Variants in C2orf42 observed in about 807,000 individuals in gnomAD.
C2orf42 encodes chromosome 2 open reading frame 42, also known as uncharacterized protein C2orf42.
A neutral mutation model predicts 58.9 loss-of-function variants in C2orf42; 44 were observed. The ratio of observed to expected loss-of-function variants is 0.75; its 90% CI spans 0.59 to 0.96. The LOEUF (loss-of-function observed/expected upper bound fraction) is 0.96. Among genes scored for constraint, C2orf42 ranks in the 40% least tolerant of loss-of-function variants. The pLI is 0.00. For missense variants in C2orf42, 630 were observed against 699.2 expected (o/e 0.90, Z 1.12); for synonymous variants, 239 against 265.4 (o/e 0.90, Z 0.97).
intron 5 of C2orf42, 73 bp from the exon 6 acceptor site, chr2:70,169,734 T>C (rs532283396): frequency 2.7e-6 from 2 of 747,012 alleles, no homozygotes; most frequent in Admixed American, 2.3e-5. Flanking sequence ...TAATTGAAGT[T>C]TGAAAAAGTT....
chr2:70,161,835 C>T (rs141270915), intron 8 of C2orf42, among the ~76,000 whole-genome samples: 29 of 133,192 alleles, frequency 2.2e-4, no homozygotes, highest in Admixed American at 2.0e-3. Flanking sequence ...AGTGAAAGTC[C>T]GTGTCAAAAA....
chr2:70,165,479 T>C (rs1027942350), intron 7 of C2orf42, 49 bp downstream of exon 7: 1 of 1,044,410 alleles, frequency 9.6e-7, no homozygotes, highest in South Asian at 1.3e-5. Flanking sequence ...CCAAACATAA[T>C]TCTCTATGTT....
intron 5 of C2orf42, 89 bp downstream of exon 5, chr2:70,175,584 T>C (rs1459036056): frequency 1.2e-6 from 1 of 809,822 alleles, no homozygotes; most frequent in African/African-American, 1.7e-5. Flanking sequence ...TGGGACTCTT[T>C]GGGTGACAAT....
At chr2:70,175,007 G>A (rs962575673) in intron 5 of C2orf42, among the ~76,000 whole-genome samples, 2 of 151,640 alleles carry the variant, frequency 1.3e-5, no homozygotes, top group African/African-American at 4.8e-5. Context: ...CTACTAATCT[G>A]TTCTCTATCT....
intron 5 of C2orf42, among the ~76,000 whole-genome samples, chr2:70,175,047 T>A (rs1674094624): frequency 1.3e-5 from 2 of 152,200 alleles, no homozygotes; most frequent in African/African-American, 4.8e-5. Flanking sequence ...TTAGTTTTTT[T>A]TAAAAATTAT....
chr2:70,186,416 GA>G (rs1417943667), intron 1 of C2orf42, among the ~76,000 whole-genome samples: 1 of 151,986 alleles, frequency 6.6e-6, no homozygotes, highest in Admixed American at 6.6e-5. Flanking sequence ...TATCAAAGTG[GA>G]AAAAAACCTT....
At chr2:70,153,675 T>C (rs1263922615) in intron 9 of C2orf42, among the ~76,000 whole-genome samples, 1 of 135,372 alleles carries the variant, frequency 7.4e-6, no homozygotes, top group Admixed American at 7.5e-5. Context: ...AACAGGAAAT[T>C]AAAAAAAAAA....
At chr2:70,157,533 A>C (rs918373530) in intron 9 of C2orf42, among the ~76,000 whole-genome samples, 1 of 152,210 alleles carries the variant, frequency 6.6e-6, no homozygotes, top group Non-Finnish European at 1.5e-5. Flanking sequence ...GCGGTGGCTC[A>C]CGCCTGTAAT....
intron 3 of C2orf42, among the ~76,000 whole-genome samples, chr2:70,179,962 CA>C (rs904225690): frequency 1.3e-5 from 2 of 148,598 alleles, no homozygotes; most frequent in Non-Finnish European, 3.0e-5. Context: ...AAAACAAAAA[CA>C]AAAAAAAAAT....
chr2:70,184,816 C>T (rs112605391), intron 1 of C2orf42, among the ~76,000 whole-genome samples: 6 of 151,254 alleles, frequency 4.0e-5, no homozygotes, highest in South Asian at 4.3e-4. Flanking sequence ...TTAGGCCGGG[C>T]GCAGTGGCTC....
chr2:70,163,345 C>T (rs961827261), intron 8 of C2orf42, among the ~76,000 whole-genome samples: 3 of 151,254 alleles, frequency 2.0e-5, no homozygotes, highest in African/African-American at 4.9e-5. Context: ...CCCGGGTTCA[C>T]ACCATTCTCC....
intron 9 of C2orf42, among the ~76,000 whole-genome samples, chr2:70,152,672 C>A (rs1365414136): frequency 6.6e-6 from 1 of 152,174 alleles, no homozygotes; most frequent in Non-Finnish European, 1.5e-5. Flanking sequence ...CACACACACC[C>A]CTCCCCACTC....
chr2:70,182,076 A>G, intron 2 of C2orf42, 79 bp from the exon 3 acceptor site: 1 of 680,270 alleles, frequency 1.5e-6, no homozygotes, highest in Non-Finnish European at 2.5e-6. Flanking sequence ...TATTTAGTAC[A>G]GAAGGCAAAA....
chr2:70,167,202 C>T (rs1558665550), intron 6 of C2orf42, among the ~76,000 whole-genome samples: 1 of 151,474 alleles, frequency 6.6e-6, no homozygotes, highest in South Asian at 2.1e-4. Context: ...ACTAAAAATA[C>T]AAAAAATTAG....
At chr2:70,180,236 G>A (rs1284082303) in intron 3 of C2orf42, among the ~76,000 whole-genome samples, 2 of 152,086 alleles carry the variant, frequency 1.3e-5, no homozygotes, top group Non-Finnish European at 2.9e-5. Context: ...AGATTGCAGT[G>A]AGCTGAGATT....
In C2orf42 at chr2:70,152,578, T is replaced by G. The variant is rs151044228; in HGVS notation, c.1517-2014A>C. On this transcript the variant is annotated intron_variant, in intron 9 of 9. Coordinates refer to ENST00000264434, the MANE Select transcript of C2orf42 (RefSeq NM_017880.3). ...CATGGAAAAAGGCAGGAAAATACTT[T>G]GTCTCTCTCACTGTTTGTGCCCTGG... is the stretch of plus-strand genomic sequence containing the variant. 1.1e-4 allele frequency among the ~76,000 whole-genome samples: 17 copies of G among 152,282 alleles called. No homozygotes were observed. In the East Asian group the frequency reaches 3.1e-3, roughly 28 times the overall value.
At position 70,181,820 on chromosome 2, in the gene C2orf42, G is replaced by A. The variant is rs748286286; in HGVS notation, c.166C>T (p.Arg56Cys). 19 of 1,613,974 alleles carry A rather than the reference G, an allele frequency of 1.2e-5. No homozygotes were observed. The East Asian group carries it at 1.6e-4, about 13-fold the overall frequency. Residue 56 changes from arginine (R) to cysteine (C), a missense_variant, in exon 3 of 10, where the codon CGC (arginine) becomes TGC (cysteine). Coordinates refer to ENST00000264434, the MANE Select transcript of C2orf42 (RefSeq NM_017880.3). ...ACAGCTTCAACACTAGGCTGCTTGC[G>A]TGCACCGTAGCGGAATATGGTTCCA... ...TCGTIFRYGA[R>C]KQPSVEAVKI...
intron 9 of C2orf42, among the ~76,000 whole-genome samples, chr2:70,159,775 G>A (rs1011446023): frequency 3.3e-5 from 5 of 151,874 alleles, no homozygotes; most frequent in African/African-American, 1.2e-4. Context: ...GGCCTGAAGC[G>A]ATCCTGCTGC....
rs748080155 is a variant in C2orf42, at chr2:70,165,103, C to G, written c.1342G>C (p.Asp448His). ...AAATAAACTCTCACCTCTGGGGTATCTAAGATTTGTTTAACTTGCAGGATA... is the reference window on the plus strand; with the variant it reads ...AAATAAACTCTCACCTCTGGGGTATGTAAGATTTGTTTAACTTGCAGGATA... ...TNILQVKQIL[D>H]TPEMPLEITR... Residue 448 changes from aspartate to histidine, a missense_variant, in exon 8 of 10, where the codon GAT becomes CAT. Transcript: ENST00000264434. 6.3e-7 allele frequency: 1 copy of G among 1,583,512 alleles called. No individual in the cohort carries two copies. Among genetic ancestry groups the G allele is most frequent in the Non-Finnish European group, 8.7e-7 (1 of 1,155,276 alleles).
Sources: gnomAD v4.1 joint callset for allele counts (sites outside exome capture counted in the v4.1 genomes callset) on GRCh38, gnomAD v4.1.1 for gene constraint, MANE v1.5 for transcripts, NCBI Gene and HGNC (gene_info 2026-07-23, HGNC 2026-07-21) for gene names.